The following PRUNE2 variants were observed in gnomAD, a reference collection of about 807,000 sequenced individuals.
PRUNE2 encodes the protein protein prune homolog 2.
Under a neutral mutation model 252.0 loss-of-function variants are expected in PRUNE2, and 164 were observed. That is an observed-to-expected ratio of 0.65 (90% confidence interval 0.57 to 0.74). The LOEUF is 0.74. PRUNE2 is among the 30% of genes least tolerant of loss of function. The pLI is 0.00. For missense variants in PRUNE2, 3,495 were observed against 3,711.0 expected, an observed-to-expected ratio of 0.94 and a Z score of 1.51; for synonymous variants, 1,292 against 1,350.2, an observed-to-expected ratio of 0.96 and a Z score of 0.94.
In PRUNE2 at chr9:76,705,925, T is replaced by C; in HGVS notation, c.6349A>G (p.Thr2117Ala). The C allele has an allele frequency of 5.0e-6, 8 of 1,613,962 alleles. No homozygotes were observed. Among genetic ancestry groups the C allele is most frequent in the Non-Finnish European group, 6.8e-6 (8 of 1,179,888 alleles). ...ICHDSEAKQE[T>A]EKHLSACMGP... Reference sequence around the variant, plus strand: ...ATGCAAGCACTGAGGTGCTTCTCAGTCTCTTGCTTTGCTTCAGAATCGTGA... The same window carrying C: ...ATGCAAGCACTGAGGTGCTTCTCAGCCTCTTGCTTTGCTTCAGAATCGTGA... Residue 2117 changes from threonine to alanine, a missense_variant, in exon 8 of 19, where the codon ACT becomes GCT. Transcript: ENST00000376718.
intron 9 of PRUNE2, among the ~76,000 whole-genome samples, chr9:76,680,838 G>A (rs1026483098): frequency 6.6e-6 from 1 of 152,166 alleles, no homozygotes; most frequent in Non-Finnish European, 1.5e-5. Flanking sequence ...GGCAATAGAA[G>A]AGAGAGAGCA....
chr9:76,887,602 C>T (rs2062180291), intron 1 of PRUNE2, among the ~76,000 whole-genome samples: 5 of 152,220 alleles, frequency 3.3e-5, no homozygotes, highest in Admixed American at 3.3e-4. Flanking sequence ...CTTGCTGTGG[C>T]TGATGAAGAG....
chr9:76,671,861 T>G (rs535424487), intron 9 of PRUNE2, among the ~76,000 whole-genome samples: 2 of 151,806 alleles, frequency 1.3e-5, no homozygotes, highest in Non-Finnish European at 2.9e-5. Flanking sequence ...CTGAGAGATT[T>G]TGTCACCACC....
At chr9:76,638,022 G>A (rs1233267202) in intron 13 of PRUNE2, among the ~76,000 whole-genome samples, 164 bp downstream of exon 13, 1 of 152,150 alleles carries the variant, frequency 6.6e-6, no homozygotes. Flanking sequence ...CTCCTTTAAA[G>A]GTTTTAGCCC....
At chr9:76,897,654 A>G (rs944034513) in intron 1 of PRUNE2, among the ~76,000 whole-genome samples, 5 of 151,902 alleles carry the variant, frequency 3.3e-5, no homozygotes, top group Non-Finnish European at 7.4e-5. Context: ...GACCTCAGGC[A>G]ATCTGCCTGC....
chr9:76,734,291 C>T (rs778787908), intron 6 of PRUNE2, among the ~76,000 whole-genome samples: 7 of 151,812 alleles, frequency 4.6e-5, no homozygotes, highest in Admixed American at 2.6e-4. Context: ...AGGTAGGGGT[C>T]GAATCAGGGA....
At chr9:76,847,998 TCACG>T (rs2059760127) in intron 3 of PRUNE2, among the ~76,000 whole-genome samples, 2 of 152,226 alleles carry the variant, frequency 1.3e-5, no homozygotes, top group Non-Finnish European at 2.9e-5. Context: ...GCATGGTGGC[TCACG>T]CCTGTAATCC....
chr9:76,623,690 A>G (rs1833430824), intron 17 of PRUNE2, among the ~76,000 whole-genome samples: 1 of 152,200 alleles, frequency 6.6e-6, no homozygotes, highest in Admixed American at 6.5e-5. Flanking sequence ...CAACCTCAAT[A>G]TTACAGTTTA....
At chr9:76,649,786 A>G (rs965178680) in intron 11 of PRUNE2, among the ~76,000 whole-genome samples, 7 of 152,208 alleles carry the variant, frequency 4.6e-5, no homozygotes, top group African/African-American at 1.2e-4. Context: ...GAGAAGACCA[A>G]TTGAATATAT....
chr9:76,899,719 T>C (rs1166537244), intron 1 of PRUNE2, among the ~76,000 whole-genome samples: 2 of 152,022 alleles, frequency 1.3e-5, no homozygotes, highest in Non-Finnish European at 2.9e-5. Flanking sequence ...ACATGCCCAA[T>C]AGAGATATAA....
At chr9:76,900,661 T>A (rs1564533083) in intron 1 of PRUNE2, among the ~76,000 whole-genome samples, 1 of 152,154 alleles carries the variant, frequency 6.6e-6, no homozygotes, top group African/African-American at 2.4e-5. Flanking sequence ...GACTCTCCCA[T>A]AATCCCCAAG....
rs115402376 is a variant in PRUNE2 at position 76,677,500 on chromosome 9, G to A, written c.8277-21998C>T. On this transcript the variant is annotated intron_variant, in intron 9 of 18. Coordinates refer to ENST00000376718, the MANE Select transcript of PRUNE2 (RefSeq NM_015225.3). ...ACATTTCCATCTGGATGACCAAACC[G>A]TCAGCTCCTAAAGGGCCGCAGAGGC... Among the ~76,000 whole-genome samples, 896 of 152,266 alleles carry A rather than the reference G, an allele frequency of 5.9e-3. 7 individuals carry two copies. The highest frequency in any genetic ancestry group is 8.1e-3 in the Non-Finnish European group (550 of 68,016).
rs546220708 is a variant in PRUNE2, at chr9:76,851,023, G to A, written c.142-358C>T. Among the ~76,000 whole-genome samples, 227 of 152,002 alleles carry A rather than the reference G, an allele frequency of 1.5e-3. 1 individual carries two copies. Among genetic ancestry groups the A allele is most frequent in the African/African-American group, 5.4e-3 (222 of 41,454 alleles). ...TATATGCATATATATAAATTGTGCA[G>A]GGGCTAAAATGTAAATAAATACATT... On this transcript the variant is annotated intron_variant, in intron 2 of 18. Transcript: ENST00000376718.
chr9:76,838,094 C>G (rs2059156536), intron 4 of PRUNE2, among the ~76,000 whole-genome samples: 1 of 151,954 alleles, frequency 6.6e-6, no homozygotes. Context: ...TTTATTCCTC[C>G]AAATTTATAA....
chr9:76,905,845 C>T, intron 1 of PRUNE2, 83 bp downstream of exon 1: 1 of 1,570,260 alleles, frequency 6.4e-7, no homozygotes, highest in Non-Finnish European at 8.8e-7. Context: ...TTTCTTCCTC[C>T]TCTGCTGCAA....
intron 2 of PRUNE2, among the ~76,000 whole-genome samples, chr9:76,852,903 A>T (rs2060046694): frequency 6.6e-6 from 1 of 152,052 alleles, no homozygotes; most frequent in African/African-American, 2.4e-5. Context: ...GGATGTCAAG[A>T]CATTGTTGTA....
intron 1 of PRUNE2, among the ~76,000 whole-genome samples, chr9:76,872,643 A>ACACACC (rs1554820935): frequency 7.5e-5 from 11 of 147,000 alleles, no homozygotes; most frequent in African/African-American, 1.8e-4. Flanking sequence ...ACACACACAC[A>ACACACC]CCCTCACACC....
chr9:76,835,903 A>C (rs2058934421), intron 4 of PRUNE2, among the ~76,000 whole-genome samples: 1 of 152,218 alleles, frequency 6.6e-6, no homozygotes, highest in Non-Finnish European at 1.5e-5. Context: ...GTTTGTTTAA[A>C]TTTTAAAAAC....
intron 4 of PRUNE2, among the ~76,000 whole-genome samples, chr9:76,829,037 T>A (rs11145089): frequency 0.15 from 17,374 of 115,984 alleles, 1,334 homozygotes; most frequent in East Asian, 0.23. Context: ...AAAAAAAAAA[T>A]TCCCCTCTTT....
Sources: allele counts gnomAD v4.1 joint callset (sites outside exome capture counted in the v4.1 genomes callset), GRCh38; gene constraint gnomAD v4.1.1; transcripts MANE v1.5; gene names NCBI Gene and HGNC (gene_info 2026-07-23, HGNC 2026-07-21).